OVCH1: variants seen among roughly 807,000 people sequenced by gnomAD.
OVCH1 encodes the protein ovochymase 1, also known as ovochymase-1.
OVCH1 carries 139 observed loss-of-function variants against 138.4 expected under a neutral mutation model. The observed-to-expected ratio is 1.00, with a 90% CI of 0.87 to 1.16. The LOEUF (loss-of-function observed/expected upper bound fraction) is 1.16. Among genes scored for constraint, OVCH1 ranks in the 50% most tolerant of loss-of-function variants. OVCH1 has a pLI of 0.00. For missense variants in OVCH1, 1,367 were observed against 1,357.9 expected (o/e 1.01, Z -0.11); for synonymous variants, 453 against 467.8 (o/e 0.97, Z 0.41).
chr12:29,460,456 C>T (rs1450484243), intron 19 of OVCH1, among the ~76,000 whole-genome samples: 1 of 152,082 alleles, frequency 6.6e-6, no homozygotes. Flanking sequence ...TTTCCGTATT[C>T]CTCACATCTT....
chr12:29,422,909 A>T (rs1317436169), downstream of OVCH1, among the ~76,000 whole-genome samples: 2 of 152,174 alleles, frequency 1.3e-5, no homozygotes, highest in Non-Finnish European at 2.9e-5. Flanking sequence ...ATTATTTCTT[A>T]AAAATAATAA....
In OVCH1 at chr12:29,464,398, C is replaced by T. The variant is rs192437475; in HGVS notation, c.2125+109G>A. On this transcript the variant is annotated intron_variant, in intron 18 of 27. Coordinates refer to ENST00000318184, the Ensembl canonical transcript of OVCH1. ...CAGCTAAATAAAACATGGTTTCTATCTTTTAGAAAGAAGAGGGGCTGAAGC... is the reference window on the plus strand; with the variant it reads ...CAGCTAAATAAAACATGGTTTCTATTTTTTAGAAAGAAGAGGGGCTGAAGC... The T allele has an allele frequency of 1.2e-4, 148 of 1,204,670 alleles. No homozygotes were observed. In the Admixed American group the frequency reaches 2.9e-3, roughly 24 times the overall value. The allele number at this position is 1,204,670 out of a possible 1,614,324, so 74.6% of individuals were successfully genotyped here.
chr12:29,442,649 AAG>A (rs1461008039), intron 25 of OVCH1, among the ~76,000 whole-genome samples: 20 of 151,970 alleles, frequency 1.3e-4, no homozygotes, highest in South Asian at 8.3e-4. Flanking sequence ...AAATAAAAAA[AAG>A]AAATTTTATG....
chr12:29,465,276 T>C, intron 16 of OVCH1, 57 bp from the exon 17 acceptor site: 2 of 1,406,212 alleles, frequency 1.4e-6, no homozygotes, highest in South Asian at 2.6e-5. Context: ...ATTAGTTTGT[T>C]CTCACACTGC....
At chr12:29,406,479 CA>C in the OVCH1 span, among the ~76,000 whole-genome samples, 1 of 151,654 alleles carries the variant, frequency 6.6e-6, no homozygotes, top group Admixed American at 6.6e-5. Context: ...CAACAGTCCC[CA>C]GAGTGTGATG....
exon 12 of OVCH1, chr12:29,477,174 C>G (rs1942767767): frequency 3.7e-6 from 6 of 1,613,760 alleles, no homozygotes; most frequent in Non-Finnish European, 5.1e-6. Flanking sequence ...AATCAGGATA[C>G]TTGGCAGAGT....
the OVCH1 span, among the ~76,000 whole-genome samples, chr12:29,407,382 A>G: frequency 6.9e-6 from 1 of 144,516 alleles, no homozygotes; most frequent in Non-Finnish European, 1.6e-5. Context: ...GTCCTTGCCC[A>G]TGCCTATGTA....
At chr12:29,451,416 A>G (rs1157574306) in exon 22 of OVCH1, 34 of 1,613,228 alleles carry the variant, frequency 2.1e-5, no homozygotes, top group Admixed American at 6.7e-5. Context: ...AGGAGACCCC[A>G]GGAGTGACAG....
chr12:29,414,987 T>A (rs893533720), intron 3 of OVCH1, among the ~76,000 whole-genome samples: 133 of 152,252 alleles, frequency 8.7e-4, no homozygotes, highest in African/African-American at 3.1e-3. Context: ...AGGAAATACA[T>A]GAAAGAAGTA....
At chr12:29,471,860 A>T in exon 16 of OVCH1, 1 of 1,613,222 alleles carries the variant, frequency 6.2e-7, no homozygotes, top group South Asian at 1.1e-5. Context: ...GCACCTCCAC[A>T]TTGGTAATCG....
At chr12:29,415,704 CAT>C (rs1283272812) in intron 3 of OVCH1, among the ~76,000 whole-genome samples, 1 of 152,086 alleles carries the variant, frequency 6.6e-6, no homozygotes, top group Non-Finnish European at 1.5e-5. Context: ...TTGGAAGACT[CAT>C]ATAGTAAATA....
At chr12:29,480,268 A>C (rs1942887622) in intron 8 of OVCH1, among the ~76,000 whole-genome samples, 1 of 152,222 alleles carries the variant, frequency 6.6e-6, no homozygotes, top group Admixed American at 6.5e-5. Flanking sequence ...GAGATTAATT[A>C]CATCTCTCTG....
At chr12:29,404,763 C>T in the OVCH1 span, among the ~76,000 whole-genome samples, 1 of 152,014 alleles carries the variant, frequency 6.6e-6, no homozygotes, top group African/African-American at 2.4e-5. Flanking sequence ...TGGGTCACGC[C>T]TGTAATTCCA....
chr12:29,463,995 C>T (rs930585032), intron 18 of OVCH1, among the ~76,000 whole-genome samples: 2 of 152,090 alleles, frequency 1.3e-5, no homozygotes, highest in East Asian at 1.9e-4. Flanking sequence ...ACATGACAGC[C>T]AGTGGATAAA....
chr12:29,486,260 C>G (rs769627985), exon 8 of OVCH1: 11 of 1,612,820 alleles, frequency 6.8e-6, no homozygotes, highest in Non-Finnish European at 9.3e-6. Context: ...CCTTTCCTCT[C>G]TGGCTTCCAT....
At chr12:29,479,609 G>A (rs892166074) in intron 8 of OVCH1, among the ~76,000 whole-genome samples, 1 of 152,054 alleles carries the variant, frequency 6.6e-6, no homozygotes. Flanking sequence ...ACCTTCACCT[G>A]AATGCAAAGC....
At chr12:29,452,201 A>G (rs1941815781) in intron 21 of OVCH1, among the ~76,000 whole-genome samples, 1 of 152,168 alleles carries the variant, frequency 6.6e-6, no homozygotes, top group African/African-American at 2.4e-5. Context: ...TTTCTAAGCA[A>G]TTAAAAAATG....
chr12:29,415,234 A>G (rs1306562008), intron 3 of OVCH1, among the ~76,000 whole-genome samples: 3 of 152,160 alleles, frequency 2.0e-5, no homozygotes. Context: ...AAGGATCAAG[A>G]TAAGAAAGTA....
chr12:29,480,577 G>A (rs1042457083), intron 8 of OVCH1, among the ~76,000 whole-genome samples: 4 of 152,266 alleles, frequency 2.6e-5, no homozygotes, highest in East Asian at 1.9e-4. Flanking sequence ...ACTAACCATT[G>A]ATCTATTAAT....
Sources: gnomAD v4.1 joint callset for allele counts (sites outside exome capture counted in the v4.1 genomes callset) on GRCh38, gnomAD v4.1.1 for gene constraint, MANE v1.5 for transcripts, NCBI Gene and HGNC (gene_info 2026-07-23, HGNC 2026-07-21) for gene names.